The following CERS1 variants were observed in gnomAD, a reference collection of about 807,000 sequenced individuals.
CERS1 encodes Embryonic growth/differentiation factor 1.
A neutral mutation model predicts 35.7 loss-of-function variants in CERS1; 16 were observed. The ratio of observed to expected loss-of-function variants is 0.45; its 90% confidence interval spans 0.30 to 0.68. CERS1 has a LOEUF of 0.68. CERS1 is among the 30% of genes least tolerant of loss of function. The probability of loss-of-function intolerance (pLI) is 0.08; values close to 1 mark genes in which losing one functional copy is unlikely to be tolerated. For missense variants in CERS1, 454 were observed against 453.9 expected (o/e 1.00, Z 0.00); for synonymous variants, 243 against 201.6 (o/e 1.21, Z -1.74).
chr19:18,868,787 C>G lies in CERS1; in HGVS notation c.*1198G>C. 6.8e-7 allele frequency: 1 copy of G among 1,463,856 alleles called. No individual in the cohort carries two copies. Among genetic ancestry groups the G allele is most frequent in the Non-Finnish European group, 9.1e-7 (1 of 1,098,688 alleles). The allele number at this position is 1,463,856 out of a possible 1,614,324, so 90.7% of individuals were successfully genotyped here. ...AGCGTGGTTGAGCGCCGGCGGCCCC[C>G]CGGACCCCGACAGCGCGACGGGCAG... On this transcript the variant is annotated 3_prime_UTR_variant, in exon 8 of 8. Coordinates refer to ENST00000623882, the MANE Select transcript of CERS1 (RefSeq NM_021267.5).
intron 2 of CERS1, among the ~76,000 whole-genome samples, chr19:18,892,314 C>T (rs2056510192): frequency 6.6e-6 from 1 of 151,704 alleles, no homozygotes. Flanking sequence ...CCATGCTGTG[C>T]TTAAAAACAT....
Position 18,895,871 on chromosome 19 carries a change from G to C in CERS1, c.202C>G (p.Leu68Val). 1 of 1,286,100 alleles carries C rather than the reference G, an allele frequency of 7.8e-7. No individual in the cohort carries two copies. The highest frequency in any genetic ancestry group is 9.8e-7 in the Non-Finnish European group (1 of 1,017,774). 79.7% of individuals were successfully genotyped at this position (1,286,100 alleles called of 1,614,324 possible). The change falls in exon 1 of 8, where the codon CTG (leucine) becomes GTG (valine). Residue 68 changes from leucine (L) to valine (V), a missense_variant. Coordinates refer to ENST00000623882, the MANE Select transcript of CERS1 (RefSeq NM_021267.5). This position sits in a 1 kb window ranked among gnomAD's most constrained non-coding sequence, Gnocchi z 6.4. Reference protein sequence around the residue: ...PELLLLALGALGWTALRSAAT... With the variant: ...PELLLLALGAVGWTALRSAAT... Reference sequence around the variant, plus strand: ...GCGGAGCGCAGGGCGGTCCAGCCCAGCGCGCCGAGCGCCAGCAGCAGCAGC... The same window carrying C: ...GCGGAGCGCAGGGCGGTCCAGCCCACCGCGCCGAGCGCCAGCAGCAGCAGC...
At chr19:18,885,716 TC>T (rs2056339835) in intron 2 of CERS1, among the ~76,000 whole-genome samples, 1 of 149,102 alleles carries the variant, frequency 6.7e-6, no homozygotes, top group African/African-American at 2.5e-5. Context: ...AGACAGGGTG[TC>T]ATCATGTTGG....
Position 18,870,328 on chromosome 19 carries a change from A to G in CERS1, c.*249T>C, listed in dbSNP as rs1446485477. 1.3e-6 allele frequency: 2 copies of G among 1,544,386 alleles called. No individual in the cohort carries two copies. Among genetic ancestry groups the G allele is most frequent in the African/African-American group, 2.8e-5 (2 of 72,714 alleles). On this transcript the variant is annotated 3_prime_UTR_variant, in exon 7 of 8. Coordinates refer to ENST00000623882, the MANE Select transcript of CERS1 (RefSeq NM_021267.5). This position sits in a 1 kb window ranked among gnomAD's most constrained non-coding sequence, Gnocchi z 5.1. ...GGCATCTTCCTCCCAGGCGATGACC[A>G]GAGAGTGCGCAGGGTCCGCGGCGGC...
Position 18,880,405 on chromosome 19 carries a change from G to C in CERS1, c.621C>G (p.Phe207Leu), listed in dbSNP as rs762355617. The C allele has an allele frequency of 6.3e-7, 1 of 1,592,480 alleles. No homozygotes were observed. The highest frequency in any genetic ancestry group is 2.3e-5 in the East Asian group (1 of 44,036). ...GCTGCACGTCACTGATATCGTGCAG[G>C]AAGAGCACAAGGATGCCCACATTGT... ...RYHNVGILVLFLHDISDVQLE... is the reference protein window; with the variant it reads ...RYHNVGILVLLLHDISDVQLE... The change falls in exon 4 of 8, where the codon TTC becomes TTG. Residue 207 changes from phenylalanine to leucine, a missense_variant. Phe to Leu is a conservative substitution (Grantham distance 22). Transcript: ENST00000623882.
At position 18,895,745 on chromosome 19, in the gene CERS1, C is replaced by T. The variant is rs2056609528; in HGVS notation, c.249+79G>A. 3.8e-6 allele frequency: 3 copies of T among 779,226 alleles called. No individual in the cohort carries two copies. The highest frequency in any genetic ancestry group is 5.4e-5 in the Admixed American group (1 of 18,482). The allele number at this position is 779,226 out of a possible 1,614,324, so 48.3% of individuals were successfully genotyped here. ...AGCAGCCAGCGCTGGAAGAAAGGAA[C>T]GCGCCGGCGGCCCCAGGTCCCCGGT... On this transcript the variant is annotated intron_variant, in intron 1 of 7. Transcript: ENST00000623882. The surrounding 1 kb of genome is among the most constrained non-coding windows in gnomAD (Gnocchi z 6.4).
At chr19:18,879,751 C>T (rs2056153872) in intron 4 of CERS1, among the ~76,000 whole-genome samples, 1 of 147,774 alleles carries the variant, frequency 6.8e-6, no homozygotes, top group African/African-American at 2.5e-5. Flanking sequence ...CCACCCACCT[C>T]ACCAAGGCCC....
intron 3 of CERS1, among the ~76,000 whole-genome samples, chr19:18,881,218 T>A (rs1234863329): frequency 3.3e-5 from 5 of 151,472 alleles, no homozygotes; most frequent in South Asian, 2.1e-4. Flanking sequence ...CTTTTTTTTT[T>A]TAATTTTTTT....
intron 7 of CERS1, among the ~76,000 whole-genome samples, chr19:18,869,763 A>G (rs2055930471): frequency 6.6e-6 from 1 of 152,094 alleles, no homozygotes; most frequent in Non-Finnish European, 1.5e-5. Flanking sequence ...GGGCTTCAGC[A>G]TCAAGCAGAA....
chr19:18,880,459 G>T (rs1160505020), intron 3 of CERS1, 24 bp from the exon 4 acceptor site: 1 of 1,562,216 alleles, frequency 6.4e-7, no homozygotes, highest in Non-Finnish European at 8.7e-7. Flanking sequence ...AGGCAGAGAG[G>T]AGAGGGCAGC....
chr19:18,872,515 A>ATT (rs1006396798), intron 6 of CERS1, among the ~76,000 whole-genome samples: 19 of 125,894 alleles, frequency 1.5e-4, no homozygotes, highest in African/African-American at 1.5e-4. Flanking sequence ...GCCCGGGGTA[A>ATT]TTTTTTTTTT....
chr19:18,869,113 G>T lies in CERS1; in HGVS notation c.*872C>A. 9.2e-7 allele frequency: 1 copy of T among 1,085,042 alleles called. No homozygotes were observed. The highest frequency in any genetic ancestry group is 1.1e-6 in the Non-Finnish European group (1 of 893,164). 67.2% of individuals were successfully genotyped at this position (1,085,042 alleles called of 1,614,324 possible). ...GCCATGAGGCGTTGCGAGCCCAAGCGGCGCCCAGCAGCTCCGCGCGCACTG... is the reference window on the plus strand; with the variant it reads ...GCCATGAGGCGTTGCGAGCCCAAGCTGCGCCCAGCAGCTCCGCGCGCACTG... On this transcript the variant is annotated 3_prime_UTR_variant, in exon 8 of 8. Coordinates refer to ENST00000623882, the MANE Select transcript of CERS1 (RefSeq NM_021267.5).
At chr19:18,893,619 C>A (rs746029440) in intron 1 of CERS1, 44 bp from the exon 2 acceptor site, 4 of 1,567,414 alleles carry the variant, frequency 2.6e-6, no homozygotes, top group Non-Finnish European at 3.5e-6. Flanking sequence ...TGCTGGGGGC[C>A]AGAGACTGCT....
In CERS1 at chr19:18,869,034, C is replaced by T. The variant is rs1416440204; in HGVS notation, c.*951G>A. 1.9e-6 allele frequency: 2 copies of T among 1,075,548 alleles called. No homozygotes were observed. Among genetic ancestry groups the T allele is most frequent in the African/African-American group, 1.7e-5 (1 of 58,588 alleles). 66.6% of individuals were successfully genotyped at this position (1,075,548 alleles called of 1,614,324 possible). A position where few individuals can be genotyped will look rare whatever the true frequency, so the allele number is the denominator to read the frequency against. On this transcript the variant is annotated 3_prime_UTR_variant, in exon 8 of 8. Coordinates refer to ENST00000623882, the MANE Select transcript of CERS1 (RefSeq NM_021267.5). ...AGCAGCGAGGCCTCGGCCAGGCGCG[C>T]GCAGGCGGCAGGGGCCCGGGGGCGT... is the stretch of plus-strand genomic sequence containing the variant.
At position 18,895,097 on chromosome 19, in the gene CERS1, C is replaced by G. The variant is rs2056592733; in HGVS notation, c.249+727G>C. On this transcript the variant is annotated intron_variant, in intron 1 of 7. Transcript: ENST00000623882. This position sits in a 1 kb window ranked among gnomAD's most constrained non-coding sequence, Gnocchi z 6.4. ...CTGCTGTCGCCTCTTGGAGGCAGCA[C>G]AGTCCAACCCTGAAGCCCCGGGCCA... Among the ~76,000 whole-genome samples the G allele has an allele frequency of 6.6e-6, 1 of 152,252 alleles. No homozygotes were observed. Among genetic ancestry groups the G allele is most frequent in the South Asian group, 2.1e-4 (1 of 4,836 alleles).
rs1461591525 is a variant in CERS1, at chr19:18,870,288, C to T, written c.*289G>A. On this transcript the variant is annotated 3_prime_UTR_variant, in exon 7 of 8. Coordinates refer to ENST00000623882, the MANE Select transcript of CERS1 (RefSeq NM_021267.5). The surrounding 1 kb of genome is among the most constrained non-coding windows in gnomAD (Gnocchi z 5.1). ...GAGGAGGAGGTGGTGGCCGCAGGGA[C>T]CTTGCTGCGGCGGTGGCATCTTCCT... The T allele has an allele frequency of 1.9e-6, 3 of 1,547,632 alleles. No individual in the cohort carries two copies. Among genetic ancestry groups the T allele is most frequent in the Admixed American group, 2.0e-5 (1 of 50,968 alleles).
Position 18,869,399 on chromosome 19 carries a change from G to A in CERS1, c.*595-9C>T. ...GGCCCGGGTGGGCGCACCTGGGGAG[G>A]TAGGAACAGGAACTCGGCTCGCGCT... On this transcript the variant is annotated splice_polypyrimidine_tract_variant and intron_variant, in intron 7 of 7. Transcript: ENST00000623882. The A allele has an allele frequency of 6.5e-7, 1 of 1,528,406 alleles. No individual in the cohort carries two copies. Among genetic ancestry groups the A allele is most frequent in the Non-Finnish European group, 8.7e-7 (1 of 1,144,212 alleles). 94.7% of individuals were successfully genotyped at this position (1,528,406 alleles called of 1,614,324 possible). A position where few individuals can be genotyped will look rare whatever the true frequency, so the allele number is the denominator to read the frequency against.
chr19:18,888,088 G>A (rs1205353314), intron 2 of CERS1, among the ~76,000 whole-genome samples: 1 of 152,188 alleles, frequency 6.6e-6, no homozygotes, highest in African/African-American at 2.4e-5. Flanking sequence ...GGCCAACTGA[G>A]GTGGCTCACG....
At chr19:18,885,515 T>TTTG (rs539140878) in intron 2 of CERS1, among the ~76,000 whole-genome samples, 1,324 of 19,396 alleles carry the variant, frequency 0.068, 30 homozygotes, top group African/African-American at 0.12. Flanking sequence ...CTTCTCGTTT[T>TTTG]TTTTTTTTTT....
Sources: allele counts gnomAD v4.1 joint callset (sites outside exome capture counted in the v4.1 genomes callset), GRCh38; gene constraint gnomAD v4.1.1; non-coding constraint Gnocchi (gnomAD v3.1); transcripts MANE v1.5; gene names NCBI Gene and HGNC (gene_info 2026-07-23, HGNC 2026-07-21).